Variants in ZBBX observed in about 807,000 individuals in gnomAD.
The protein encoded by ZBBX is zinc finger B-box domain-containing protein 1.
ZBBX carries 101 observed loss-of-function variants against 108.5 expected under a neutral mutation model. The ratio of observed to expected loss-of-function variants is 0.93; its 90% CI spans 0.79 to 1.10. The LOEUF is 1.10. Ranked by LOEUF, ZBBX falls within the 50% of genes least tolerant of loss-of-function variation. The pLI is 0.00. For synonymous variants in ZBBX, 356 were observed against 323.4 expected, an observed-to-expected ratio of 1.10 and a Z score of -1.08; for missense variants, 1,009 against 941.4, an observed-to-expected ratio of 1.07 and a Z score of -0.94.
intron 12 of ZBBX, among the ~76,000 whole-genome samples, chr3:167,320,485 GA>G (rs1174918463): frequency 1.3e-5 from 2 of 152,034 alleles, no homozygotes; most frequent in South Asian, 4.2e-4. Flanking sequence ...AGGAACAAAG[GA>G]AATAGAATAT....
Position 167,359,979 on chromosome 3 carries a change from T to C in ZBBX, c.323A>G (p.Glu108Gly). Residue 108 changes from glutamate (E) to glycine (G), a missense_variant and splice_region_variant, in exon 8 of 22, where the codon GAG becomes GGG. By Grantham distance (98) the Glu-to-Gly change is moderately conservative. Coordinates refer to ENST00000675490, the MANE Select transcript of ZBBX (RefSeq NM_001199201.2). ...KLKLLKEQIQ[E>G]PVKPTVNYKM... is the part of the protein sequence containing the mutation. ...ATAATTAACTGTTGGTTTCACTGGC[T>C]CTGCAAGATAAAAAATAATATTACT... 6.5e-7 allele frequency: 1 copy of C among 1,539,900 alleles called. No homozygotes were observed. Among genetic ancestry groups the C allele is most frequent in the Non-Finnish European group, 8.8e-7 (1 of 1,130,706 alleles).
chr3:167,218,436 TA>T, the ZBBX span, among the ~76,000 whole-genome samples: 7 of 152,048 alleles, frequency 4.6e-5, no homozygotes, highest in South Asian at 2.1e-4. Flanking sequence ...CATAGTACAA[TA>T]AAAAATATTA....
At chr3:167,268,274 C>G (rs1301333058) in intron 20 of ZBBX, among the ~76,000 whole-genome samples, 1 of 151,530 alleles carries the variant, frequency 6.6e-6, no homozygotes, top group African/African-American at 2.4e-5. Flanking sequence ...ATCCCTGGGA[C>G]CTCAGTTACA....
At chr3:167,200,143 A>G in the ZBBX span, among the ~76,000 whole-genome samples, 2 of 151,604 alleles carry the variant, frequency 1.3e-5, no homozygotes, top group African/African-American at 2.4e-5. Flanking sequence ...ACCCAGCATA[A>G]CCTCATTTCA....
the ZBBX span, among the ~76,000 whole-genome samples, chr3:167,220,949 A>C: frequency 6.6e-6 from 1 of 152,002 alleles, no homozygotes; most frequent in African/African-American, 2.4e-5. Flanking sequence ...GAAATCAAGA[A>C]AGTAATGCTA....
At chr3:167,391,309 C>A (rs546362231) in intron 1 of ZBBX, among the ~76,000 whole-genome samples, 172 of 151,876 alleles carry the variant, frequency 1.1e-3, no homozygotes, top group Middle Eastern at 6.8e-3. Flanking sequence ...ATATGTTGAC[C>A]CAGTCTTGCA....
At chr3:167,184,904 T>C in the ZBBX span, among the ~76,000 whole-genome samples, 1 of 152,200 alleles carries the variant, frequency 6.6e-6, no homozygotes, top group Non-Finnish European at 1.5e-5. Context: ...TCATCAACAT[T>C]ATTGTCAACA....
chr3:167,228,639 T>C, the ZBBX span, among the ~76,000 whole-genome samples: 1 of 151,830 alleles, frequency 6.6e-6, no homozygotes, highest in African/African-American at 2.4e-5. Flanking sequence ...ATCCTTTGTG[T>C]AGTTCGAAAA....
At chr3:167,350,589 A>T in intron 8 of ZBBX, 74 bp from the exon 9 acceptor site, 3 of 1,078,096 alleles carry the variant, frequency 2.8e-6, no homozygotes, top group Non-Finnish European at 3.9e-6. Flanking sequence ...TTGCATAAAG[A>T]TGTCTTGTTT....
chr3:167,296,667 A>T (rs1731740244), intron 18 of ZBBX, among the ~76,000 whole-genome samples: 1 of 152,032 alleles, frequency 6.6e-6, no homozygotes, highest in Non-Finnish European at 1.5e-5. Context: ...CAACATAACC[A>T]AGGAGGTGGA....
At chr3:167,191,896 CATATATATATATATATATATATATATAT>C in the ZBBX span, among the ~76,000 whole-genome samples, 2 of 67,948 alleles carry the variant, frequency 2.9e-5, no homozygotes, top group Non-Finnish European at 5.1e-5. Flanking sequence ...TTACAAAAAT[CATATATATATATATATATATATATATAT>C]ATATATATAT....
chr3:167,347,266 T>A (rs1741634986), intron 9 of ZBBX, among the ~76,000 whole-genome samples: 1 of 152,024 alleles, frequency 6.6e-6, no homozygotes, highest in Admixed American at 6.6e-5. Context: ...TTGGTATGCA[T>A]GTACATGCAC....
intron 18 of ZBBX, among the ~76,000 whole-genome samples, chr3:167,290,145 TC>T (rs1321854721): frequency 3.3e-5 from 5 of 152,096 alleles, no homozygotes; most frequent in African/African-American, 7.2e-5. Context: ...AGGTGCAGCT[TC>T]AGCAGACTTA....
intron 14 of ZBBX, 107 bp from the exon 15 acceptor site, chr3:167,315,936 T>A: frequency 1.6e-6 from 1 of 629,344 alleles, no homozygotes; most frequent in Non-Finnish European, 2.7e-6. Context: ...CTACAAATGA[T>A]GTTATGAGAG....
At chr3:167,258,165 G>A (rs58659188) in intron 20 of ZBBX, among the ~76,000 whole-genome samples, 52,329 of 151,834 alleles carry the variant, frequency 0.34, 9,424 homozygotes, top group East Asian at 0.66. Flanking sequence ...GCATGGATGC[G>A]TTGAACAGGG....
At chr3:167,277,527 T>C (rs1055871100) in intron 20 of ZBBX, among the ~76,000 whole-genome samples, 1 of 152,070 alleles carries the variant, frequency 6.6e-6, no homozygotes, top group South Asian at 2.1e-4. Flanking sequence ...GGTAAAGGGA[T>C]CAATTCAACA....
At chr3:167,305,477 T>C (rs1393765996) in intron 17 of ZBBX, among the ~76,000 whole-genome samples, 166 bp downstream of exon 17, 1 of 152,134 alleles carries the variant, frequency 6.6e-6, no homozygotes, top group Non-Finnish European at 1.5e-5. Flanking sequence ...TAGAGGCCAT[T>C]AATGTTCTCT....
rs562856003 is a variant in ZBBX at position 167,323,242 on chromosome 3, G to C, written c.863-1005C>G. Among the ~76,000 whole-genome samples, 97 of 149,030 alleles carry C rather than the reference G, an allele frequency of 6.5e-4. 2 individuals are homozygous for C. The highest frequency in any genetic ancestry group is 1.7e-3 in the African/African-American group (67 of 40,594). On this transcript the variant is annotated intron_variant, in intron 11 of 21. Coordinates refer to ENST00000675490, the MANE Select transcript of ZBBX (RefSeq NM_001199201.2). ...TCTTGACAGGAGAGCTAAAAGAGGG[G>C]GGGGGGGGAAAGAACTCTTTTGTTT...
the ZBBX span, among the ~76,000 whole-genome samples, chr3:167,185,247 T>C: frequency 3.3e-5 from 5 of 152,146 alleles, no homozygotes; most frequent in Non-Finnish European, 5.9e-5. Flanking sequence ...AAATCTATTA[T>C]GCTGAGTGAA....
Sources: allele counts gnomAD v4.1 joint callset (sites outside exome capture counted in the v4.1 genomes callset), GRCh38; gene constraint gnomAD v4.1.1; transcripts MANE v1.5; gene names NCBI Gene and HGNC (gene_info 2026-07-23, HGNC 2026-07-21).